CACNA2D3: variants seen among roughly 807,000 people sequenced by gnomAD.
CACNA2D3 encodes voltage-dependent calcium channel subunit alpha-2/delta-3.
CACNA2D3 carries 60 observed loss-of-function variants against 160.6 expected under a neutral mutation model. The ratio of observed to expected loss-of-function variants is 0.37; its 90% confidence interval spans 0.30 to 0.46. The LOEUF (loss-of-function observed/expected upper bound fraction) is 0.46. Among genes scored for constraint, CACNA2D3 ranks in the 20% least tolerant of loss-of-function variants. The pLI, the probability that CACNA2D3 is intolerant of heterozygous loss-of-function variation, is 1.00. For missense variants in CACNA2D3, 1,205 were observed against 1,365.0 expected (o/e 0.88, Z 1.85); for synonymous variants, 558 against 492.9 (o/e 1.13, Z -1.75).
chr3:54,898,536 C>T (rs150095343), intron 26 of CACNA2D3, among the ~76,000 whole-genome samples: 18 of 152,280 alleles, frequency 1.2e-4, no homozygotes, highest in African/African-American at 4.1e-4. Context: ...TTGTCTGCAC[C>T]ACACTTTGTT....
chr3:54,481,089 T>G (rs948339845), intron 4 of CACNA2D3, among the ~76,000 whole-genome samples: 2 of 152,086 alleles, frequency 1.3e-5, no homozygotes, highest in African/African-American at 4.8e-5. Context: ...CTGAAATCCA[T>G]GGAGATGGAC....
At chr3:54,755,391 C>T (rs544607547) in intron 12 of CACNA2D3, among the ~76,000 whole-genome samples, 1 of 152,262 alleles carries the variant, frequency 6.6e-6, no homozygotes, top group African/African-American at 2.4e-5. Flanking sequence ...ACCCATCTTT[C>T]CCTTTGCTTG....
intron 4 of CACNA2D3, among the ~76,000 whole-genome samples, chr3:54,449,887 G>T (rs188290854): frequency 6.6e-6 from 1 of 152,220 alleles, no homozygotes; most frequent in African/African-American, 2.4e-5. Context: ...AGCAATGTGA[G>T]AATAGACTGA....
chr3:54,986,598 A>G (rs1294502289), intron 30 of CACNA2D3, among the ~76,000 whole-genome samples: 1 of 152,012 alleles, frequency 6.6e-6, no homozygotes, highest in African/African-American at 2.4e-5. Context: ...AAGTTTATAT[A>G]TGTGTCTTGC....
At chr3:55,039,260 G>A (rs867003748) in intron 35 of CACNA2D3, among the ~76,000 whole-genome samples, 6 of 152,018 alleles carry the variant, frequency 3.9e-5, no homozygotes, top group South Asian at 4.1e-4. Context: ...AAATGCCCCA[G>A]CCTGCAGCAC....
intron 27 of CACNA2D3, among the ~76,000 whole-genome samples, chr3:54,946,055 A>G (rs748190737): frequency 2.6e-5 from 4 of 152,208 alleles, no homozygotes; most frequent in Non-Finnish European, 5.9e-5. Context: ...CCTTGGTTCT[A>G]AGATGCCATA....
At chr3:54,574,482 C>T (rs1344266907) in intron 8 of CACNA2D3, among the ~76,000 whole-genome samples, 2 of 152,116 alleles carry the variant, frequency 1.3e-5, no homozygotes. Context: ...TGTTTTAGCT[C>T]TCATGGGCAA....
intron 11 of CACNA2D3, among the ~76,000 whole-genome samples, chr3:54,736,020 C>CATATATATATGTATAT (rs1163965186): frequency 1.3e-5 from 1 of 79,908 alleles, no homozygotes; most frequent in African/African-American, 5.4e-5. Context: ...TATATATACA[C>CATATATATATGTATAT]ATACATATAT....
intron 33 of CACNA2D3, among the ~76,000 whole-genome samples, chr3:55,009,004 G>T (rs977754664): frequency 3.0e-4 from 46 of 151,952 alleles, no homozygotes; most frequent in African/African-American, 1.1e-3. Context: ...CTTGGTAGAG[G>T]AGAATATTCT....
intron 13 of CACNA2D3, among the ~76,000 whole-genome samples, chr3:54,811,421 C>T (rs1241517856): frequency 2.0e-5 from 3 of 147,746 alleles, no homozygotes; most frequent in African/African-American, 7.4e-5. Context: ...CTATTGCCTG[C>T]TGCCTCCACA....
chr3:54,440,801 A>G (rs1404827651), intron 4 of CACNA2D3, among the ~76,000 whole-genome samples: 2 of 152,134 alleles, frequency 1.3e-5, no homozygotes, highest in Admixed American at 6.5e-5. Context: ...CCATGTCCCT[A>G]CAAAGGACAT....
intron 8 of CACNA2D3, among the ~76,000 whole-genome samples, chr3:54,573,725 A>T (rs1702535965): frequency 6.6e-6 from 1 of 152,234 alleles, no homozygotes; most frequent in South Asian, 2.1e-4. Context: ...ACAGGGCATA[A>T]TGTTTACACA....
chr3:54,952,215 G>A (rs192156038), intron 27 of CACNA2D3, among the ~76,000 whole-genome samples: 76 of 152,222 alleles, frequency 5.0e-4, no homozygotes, highest in African/African-American at 1.7e-3. Flanking sequence ...CTCTGTAACC[G>A]CCTTCTTAGA....
chr3:54,532,986 G>T (rs1460861910), intron 5 of CACNA2D3, among the ~76,000 whole-genome samples: 1 of 152,034 alleles, frequency 6.6e-6, no homozygotes, highest in East Asian at 1.9e-4. Context: ...TTTGATAATG[G>T]CCATTCTTAC....
chr3:54,154,474 A>G (rs951490263), intron 2 of CACNA2D3, among the ~76,000 whole-genome samples: 13 of 152,174 alleles, frequency 8.5e-5, no homozygotes, highest in Admixed American at 3.9e-4. Flanking sequence ...TGTGGGCTTT[A>G]CTAGCACATA....
At chr3:54,358,555 G>C (rs1221647334) in intron 3 of CACNA2D3, among the ~76,000 whole-genome samples, 1 of 152,188 alleles carries the variant, frequency 6.6e-6, no homozygotes, top group Non-Finnish European at 1.5e-5. Context: ...TGCAGAGGGA[G>C]AACAGGGGCG....
At chr3:54,578,075 G>A (rs1702615934) in intron 8 of CACNA2D3, among the ~76,000 whole-genome samples, 2 of 152,150 alleles carry the variant, frequency 1.3e-5, no homozygotes. Context: ...CTTCCTAAGA[G>A]ACTCTTCCCA....
At chr3:54,260,007 T>G (rs967607260) in intron 2 of CACNA2D3, among the ~76,000 whole-genome samples, 2 of 152,244 alleles carry the variant, frequency 1.3e-5, no homozygotes, top group East Asian at 3.8e-4. Context: ...TCAGAATCTT[T>G]AGCCCTAACT....
intron 26 of CACNA2D3, among the ~76,000 whole-genome samples, chr3:54,897,285 G>A (rs769710650): frequency 6.6e-5 from 10 of 152,066 alleles, no homozygotes; most frequent in Admixed American, 2.0e-4. Flanking sequence ...CTGATATGCC[G>A]GACTAAGGAC....
Sources: allele counts gnomAD v4.1 joint callset (sites outside exome capture counted in the v4.1 genomes callset), GRCh38; gene constraint gnomAD v4.1.1; transcripts MANE v1.5; gene names NCBI Gene and HGNC (gene_info 2026-07-23, HGNC 2026-07-21).